The following SCARB2 variants were observed in gnomAD, a reference collection of about 807,000 sequenced individuals.
The protein encoded by SCARB2 is lysosome membrane protein 2.
Under a neutral mutation model 58.6 loss-of-function variants are expected in SCARB2, and 29 were observed. That is an observed-to-expected ratio of 0.49 (90% CI 0.37 to 0.67). The LOEUF (loss-of-function observed/expected upper bound fraction) is 0.67, where lower values mean the gene tolerates loss of function less well. Among genes scored for constraint, SCARB2 ranks in the 30% least tolerant of loss-of-function variants. The probability of loss-of-function intolerance (pLI) is 0.00; values close to 1 mark genes in which losing one functional copy is unlikely to be tolerated. For missense variants in SCARB2, 488 were observed against 578.5 expected (o/e 0.84, Z 1.60); for synonymous variants, 195 against 210.1 (o/e 0.93, Z 0.62).
chr4:76,195,807 G>A lies in SCARB2; in HGVS notation c.175C>T (p.Pro59Ser), dbSNP rs1356762889. ...AFDSWEKPPL[P>S]VYTQFYFFNV... ...AAGAAATAGAACTGAGTATACACAG[G>A]CAGAGGGGGCTTCTCCCAGGAGTCA... The change falls in exon 2 of 12, where the codon CCT becomes TCT. Residue 59 changes from proline (P) to serine (S), a missense_variant. Physicochemically the swap from Pro to Ser is moderately conservative, Grantham distance 74 (BLOSUM62 -1). Coordinates refer to ENST00000264896, the MANE Select transcript of SCARB2 (RefSeq NM_005506.4). 1.2e-6 allele frequency: 2 copies of A among 1,613,466 alleles called. No homozygotes were observed. The highest frequency in any genetic ancestry group is 1.7e-6 in the Non-Finnish European group (2 of 1,179,512).
chr4:76,188,402 C>T (rs1440342217), intron 2 of SCARB2, among the ~76,000 whole-genome samples: 1 of 152,206 alleles, frequency 6.6e-6, no homozygotes, highest in Admixed American at 6.5e-5. Context: ...GAATGCCCAT[C>T]ATCTTTTTCC....
At chr4:76,187,771 T>C (rs1248181875) in intron 2 of SCARB2, among the ~76,000 whole-genome samples, 1 of 152,134 alleles carries the variant, frequency 6.6e-6, no homozygotes, top group African/African-American at 2.4e-5. Flanking sequence ...AAAACTTTAC[T>C]GCATTTTCAA....
At chr4:76,184,638 C>T (rs1732448813) in intron 2 of SCARB2, 1 of 214,646 alleles carries the variant, frequency 4.7e-6, no homozygotes, top group East Asian at 1.6e-4. Flanking sequence ...GTAAAAGAAC[C>T]AGGCGTGGTG....
intron 2 of SCARB2, among the ~76,000 whole-genome samples, chr4:76,186,329 G>A (rs1046831625): frequency 6.6e-6 from 1 of 152,212 alleles, no homozygotes; most frequent in East Asian, 1.9e-4. Flanking sequence ...GAGTGAGAAA[G>A]CTGTGGTCCT....
chr4:76,180,028 C>T (rs559492615), intron 3 of SCARB2: 8 of 390,184 alleles, frequency 2.1e-5, no homozygotes, highest in Non-Finnish European at 2.9e-5. Context: ...CGCTACCTTC[C>T]GCCTAAGCAG....
At chr4:76,221,012 C>T (rs1381290293) in intron 1 of SCARB2, among the ~76,000 whole-genome samples, 1 of 152,140 alleles carries the variant, frequency 6.6e-6, no homozygotes, top group African/African-American at 2.4e-5. Flanking sequence ...AACTCACAGG[C>T]CCCAAGGTCC....
chr4:76,228,219 T>C (rs1383783595), intron 1 of SCARB2, among the ~76,000 whole-genome samples: 1 of 152,142 alleles, frequency 6.6e-6, no homozygotes, highest in Non-Finnish European at 1.5e-5. Flanking sequence ...GGCTCACACC[T>C]GTAATCCCAG....
chr4:76,226,357 T>G (rs1383475858), intron 1 of SCARB2, among the ~76,000 whole-genome samples: 2 of 152,212 alleles, frequency 1.3e-5, no homozygotes, highest in East Asian at 3.9e-4. Context: ...GCTCTGCTAC[T>G]TGAGATAATG....
intron 1 of SCARB2, among the ~76,000 whole-genome samples, chr4:76,225,691 A>T (rs533558794): frequency 2.6e-5 from 4 of 152,342 alleles, no homozygotes; most frequent in Non-Finnish European, 5.9e-5. Context: ...TATCACACTT[A>T]TTGACTTGCG....
intron 1 of SCARB2, among the ~76,000 whole-genome samples, chr4:76,231,434 A>C (rs1209643489): frequency 1.3e-5 from 2 of 152,218 alleles, no homozygotes; most frequent in African/African-American, 4.8e-5. Context: ...GTAGGTAAAA[A>C]CTTAAAAACA....
chr4:76,198,298 A>T (rs1326042166), intron 1 of SCARB2, among the ~76,000 whole-genome samples: 2 of 152,246 alleles, frequency 1.3e-5, no homozygotes, highest in African/African-American at 4.8e-5. Flanking sequence ...ATAAATGAAC[A>T]GATGGCTAAC....
chr4:76,165,252 C>T (rs1731977419), intron 10 of SCARB2: 5 of 152,126 alleles, frequency 3.3e-5, no homozygotes, highest in South Asian at 2.1e-4. Context: ...TCCTATGAAA[C>T]GATAAAAACC....
chr4:76,216,669 GCTCT>G (rs879640945), upstream of SCARB2, among the ~76,000 whole-genome samples: 1 of 152,184 alleles, frequency 6.6e-6, no homozygotes, highest in Non-Finnish European at 1.5e-5. Context: ...CAGTTTACCT[GCTCT>G]CTGAGGATCT....
rs756606813 is a variant in SCARB2, at chr4:76,163,358, G to A, written c.1265C>T (p.Ala422Val). Residue 422 changes from alanine (A) to valine (V), a missense_variant, in exon 11 of 12, where the codon GCG becomes GTG. By Grantham distance (64) the Ala-to-Val change is moderately conservative. Coordinates refer to ENST00000264896, the MANE Select transcript of SCARB2 (RefSeq NM_005506.4). ...NESVHIDKET[A>V]SRLKSMINTT... ...GTTAATCATAGACTTCAGTCGACTC[G>A]CCGTCTCTTTATCAATGTGAACACT... 24 of 1,614,032 alleles carry A rather than the reference G, an allele frequency of 1.5e-5. No individual in the cohort carries two copies. The East Asian group carries it at 4.7e-4, about 31-fold the overall frequency.
chr4:76,229,215 G>A (rs1386855123), intron 1 of SCARB2, among the ~76,000 whole-genome samples: 2 of 152,012 alleles, frequency 1.3e-5, no homozygotes, highest in African/African-American at 4.8e-5. Context: ...TATGATGTCT[G>A]TTTCTCTGGA....
chr4:76,208,143 TC>T (rs1732965909), intron 1 of SCARB2, among the ~76,000 whole-genome samples: 1 of 152,152 alleles, frequency 6.6e-6, no homozygotes, highest in African/African-American at 2.4e-5. Context: ...TGGGATGGGG[TC>T]TGGTATTTTC....
chr4:76,189,969 C>A (rs1312513935), intron 2 of SCARB2, among the ~76,000 whole-genome samples: 1 of 151,466 alleles, frequency 6.6e-6, no homozygotes, highest in African/African-American at 2.4e-5. Context: ...ACCACATCAA[C>A]ATACCACTTT....
intron 9 of SCARB2, among the ~76,000 whole-genome samples, chr4:76,167,762 A>T (rs1395994512): frequency 7.6e-6 from 1 of 131,836 alleles, no homozygotes; most frequent in Non-Finnish European, 1.5e-5. Context: ...GCTCACTGTG[A>T]CCTCCGACTC....
At chr4:76,206,886 G>T (rs1732941191) in intron 1 of SCARB2, among the ~76,000 whole-genome samples, 1 of 151,962 alleles carries the variant, frequency 6.6e-6, no homozygotes, top group Admixed American at 6.6e-5. Flanking sequence ...TTTAACACTG[G>T]ACTCACAGGA....
Sources: allele counts gnomAD v4.1 joint callset (sites outside exome capture counted in the v4.1 genomes callset), GRCh38; gene constraint gnomAD v4.1.1; transcripts MANE v1.5; gene names NCBI Gene and HGNC (gene_info 2026-07-23, HGNC 2026-07-21).